The following GALNT13 variants were observed in gnomAD, a reference collection of about 807,000 sequenced individuals.
GALNT13 encodes polypeptide N-acetylgalactosaminyltransferase 13, also known as UDP-GalNAc:polypeptide N-acetylgalactosaminyltransferase 13.
In GALNT13, 28 loss-of-function variants were observed where a neutral mutation model predicts 64.2. That is an observed-to-expected ratio of 0.44 (90% confidence interval 0.32 to 0.60). GALNT13 has a LOEUF of 0.60. Among genes scored for constraint, GALNT13 ranks in the 20% least tolerant of loss-of-function variants. The pLI is 0.05. For missense variants in GALNT13, 577 were observed against 669.8 expected, an observed-to-expected ratio of 0.86 and a Z score of 1.53; for synonymous variants, 214 against 224.6, an observed-to-expected ratio of 0.95 and a Z score of 0.42.
the GALNT13 span, among the ~76,000 whole-genome samples, chr2:153,346,422 A>C: frequency 3.0e-4 from 46 of 152,174 alleles, no homozygotes; most frequent in Non-Finnish European, 5.1e-4. Context: ...ATTGTAACCA[A>C]GGGCTGCACT....
chr2:154,031,267 A>G (rs1312353056), intron 3 of GALNT13, among the ~76,000 whole-genome samples: 2 of 152,076 alleles, frequency 1.3e-5, no homozygotes, highest in African/African-American at 4.8e-5. Context: ...TTGAAAAATT[A>G]TGTATTGTAA....
At chr2:153,809,783 G>A in the GALNT13 span, among the ~76,000 whole-genome samples, 1 of 152,022 alleles carries the variant, frequency 6.6e-6, no homozygotes, top group Admixed American at 6.6e-5. Flanking sequence ...TTTAATGGAT[G>A]ACTTGTCTCT....
At chr2:154,069,724 G>A (rs974836062) in intron 3 of GALNT13, among the ~76,000 whole-genome samples, 4 of 151,962 alleles carry the variant, frequency 2.6e-5, no homozygotes, top group Admixed American at 1.3e-4. Flanking sequence ...CACATCAAGA[G>A]GTGGGATAAA....
intron 3 of GALNT13, among the ~76,000 whole-genome samples, chr2:154,107,772 A>C (rs1483634644): frequency 6.6e-6 from 1 of 151,776 alleles, no homozygotes; most frequent in African/African-American, 2.4e-5. Flanking sequence ...TCCACGCTCC[A>C]ATTTTTTTTT....
intron 9 of GALNT13, among the ~76,000 whole-genome samples, chr2:154,357,371 G>A (rs1332527350): frequency 6.6e-6 from 1 of 151,928 alleles, no homozygotes; most frequent in Non-Finnish European, 1.5e-5. Flanking sequence ...TATTTCATGT[G>A]AGTTGTCTTC....
At chr2:153,385,392 A>T in the GALNT13 span, among the ~76,000 whole-genome samples, 2 of 152,072 alleles carry the variant, frequency 1.3e-5, no homozygotes, top group Non-Finnish European at 2.9e-5. Flanking sequence ...AACAACATGG[A>T]TGGAACTGGA....
chr2:153,784,415 G>A, the GALNT13 span, among the ~76,000 whole-genome samples: 1 of 152,182 alleles, frequency 6.6e-6, no homozygotes, highest in African/African-American at 2.4e-5. Context: ...AAGCGGCAAA[G>A]CATTCAAGAG....
chr2:153,780,527 T>C, the GALNT13 span, among the ~76,000 whole-genome samples: 1 of 151,982 alleles, frequency 6.6e-6, no homozygotes, highest in Non-Finnish European at 1.5e-5. Context: ...TTAGTAGAAA[T>C]CTTTGCTTTT....
At chr2:153,101,057 C>G in the GALNT13 span, among the ~76,000 whole-genome samples, 2 of 151,924 alleles carry the variant, frequency 1.3e-5, no homozygotes, top group Admixed American at 1.3e-4. Context: ...AACCAAAAAT[C>G]TAATATCTAT....
intron 8 of GALNT13, among the ~76,000 whole-genome samples, chr2:154,264,439 G>A (rs977280041): frequency 1.4e-5 from 2 of 144,624 alleles, no homozygotes; most frequent in Admixed American, 7.2e-5. Context: ...TAGCCAACAT[G>A]GTGAAACTCT....
chr2:153,089,847 T>G, the GALNT13 span, among the ~76,000 whole-genome samples: 1 of 152,054 alleles, frequency 6.6e-6, no homozygotes, highest in Non-Finnish European at 1.5e-5. Context: ...CCCATATTGC[T>G]TTTTGAATTT....
At position 154,270,613 on chromosome 2, in the gene GALNT13, G is replaced by A. The variant is rs368319770; in HGVS notation, c.975+11475G>A. Among the ~76,000 whole-genome samples, 172 of 151,856 alleles carry A rather than the reference G, an allele frequency of 1.1e-3. 3 individuals carry two copies. In the South Asian group the frequency reaches 0.034, roughly 30 times the overall value. ...GAGAAATAAAGTAACAAGAAAATGG[G>A]ATAAACTAGTCACATTGAATAATCA... On this transcript the variant is annotated intron_variant, in intron 8 of 12. Coordinates refer to ENST00000392825, the MANE Select transcript of GALNT13 (RefSeq NM_052917.4).
chr2:153,924,814 A>G (rs1043159272), intron 2 of GALNT13, among the ~76,000 whole-genome samples: 2 of 151,976 alleles, frequency 1.3e-5, no homozygotes, highest in South Asian at 4.1e-4. Context: ...ATGATCCGTG[A>G]CGTTGAGCTT....
Position 153,927,184 on chromosome 2 carries a change from T to A in GALNT13, c.-104-17210T>A, listed in dbSNP as rs550826101. 3.3e-5 allele frequency among the ~76,000 whole-genome samples: 5 copies of A among 152,166 alleles called. No individual in the cohort carries two copies. The South Asian group carries it at 1.0e-3, about 32-fold the overall frequency. The stretch of plus-strand genomic sequence containing the variant: ...TAAACGCTATTTCTTTCCAAAAATG[T>A]TTTTACCAATTTATGTTTCTATCTG... On this transcript the variant is annotated intron_variant, in intron 2 of 12. Transcript: ENST00000392825.
intron 3 of GALNT13, among the ~76,000 whole-genome samples, chr2:154,134,740 C>A (rs1356020316): frequency 6.6e-6 from 1 of 152,140 alleles, no homozygotes; most frequent in Non-Finnish European, 1.5e-5. Flanking sequence ...GCCTGTAATC[C>A]CGACAGTCTG....
At chr2:153,575,945 G>A in the GALNT13 span, among the ~76,000 whole-genome samples, 1 of 152,196 alleles carries the variant, frequency 6.6e-6, no homozygotes, top group Non-Finnish European at 1.5e-5. Context: ...AGGGCCCAAG[G>A]GCTCTTCAGT....
the GALNT13 span, among the ~76,000 whole-genome samples, chr2:153,861,840 A>G: frequency 1.3e-5 from 2 of 152,162 alleles, no homozygotes; most frequent in African/African-American, 4.8e-5. Flanking sequence ...CAGCATCCCA[A>G]AGCACTGGGA....
intron 4 of GALNT13, among the ~76,000 whole-genome samples, chr2:154,155,731 A>G (rs911646648): frequency 2.0e-4 from 30 of 151,938 alleles, no homozygotes; most frequent in African/African-American, 7.2e-4. Context: ...TACTTTCTGT[A>G]TGGTAATTGC....
chr2:153,937,938 A>C (rs1232601149), intron 2 of GALNT13, among the ~76,000 whole-genome samples: 3 of 152,222 alleles, frequency 2.0e-5, no homozygotes, highest in Non-Finnish European at 2.9e-5. Flanking sequence ...TTAAGAGAGA[A>C]TGGGAAGATA....
Sources: allele counts gnomAD v4.1 joint callset (sites outside exome capture counted in the v4.1 genomes callset), GRCh38; gene constraint gnomAD v4.1.1; transcripts MANE v1.5; gene names NCBI Gene and HGNC (gene_info 2026-07-23, HGNC 2026-07-21).